Variants in NRXN1 observed in about 807,000 individuals in gnomAD.
The protein encoded by NRXN1 is neurexin 1.
Under a neutral mutation model 150.9 loss-of-function variants are expected in NRXN1, and 39 were observed. The ratio of observed to expected loss-of-function variants is 0.26; its 90% confidence interval spans 0.20 to 0.34. The LOEUF is 0.34. Ranked by LOEUF, NRXN1 falls within the 10% of genes least tolerant of loss-of-function variation. The probability of loss-of-function intolerance (pLI) is 1.00; values close to 1 mark genes in which losing one functional copy is unlikely to be tolerated. For missense variants in NRXN1, 1,815 were observed against 1,949.9 expected, an observed-to-expected ratio of 0.93 and a Z score of 1.30; for synonymous variants, 924 against 757.0, an observed-to-expected ratio of 1.22 and a Z score of -3.62.
chr2:50,624,587 G>T (rs1680663455), intron 5 of NRXN1, among the ~76,000 whole-genome samples: 3 of 152,024 alleles, frequency 2.0e-5, no homozygotes, highest in African/African-American at 7.2e-5. Flanking sequence ...TGGTCTGGGA[G>T]TAAACAGACC....
chr2:50,397,761 T>G (rs2082138925), intron 17 of NRXN1, among the ~76,000 whole-genome samples: 1 of 152,138 alleles, frequency 6.6e-6, no homozygotes, highest in African/African-American at 2.4e-5. Flanking sequence ...TATGAGAGAT[T>G]TCTTTTTTAT....
chr2:50,104,489 C>G (rs1188160552), intron 18 of NRXN1, among the ~76,000 whole-genome samples: 4 of 151,854 alleles, frequency 2.6e-5, no homozygotes, highest in Non-Finnish European at 5.9e-5. Flanking sequence ...TTGGTAATAC[C>G]AGTGTCAGAG....
intron 17 of NRXN1, among the ~76,000 whole-genome samples, chr2:50,299,413 T>TC (rs1266390395): frequency 7.3e-6 from 1 of 137,242 alleles, no homozygotes. Flanking sequence ...TTGTCCAATT[T>TC]TTTTTTTTTT....
chr2:50,295,629 T>G (rs1002230359), intron 17 of NRXN1, among the ~76,000 whole-genome samples: 1 of 152,252 alleles, frequency 6.6e-6, no homozygotes, highest in South Asian at 2.1e-4. Flanking sequence ...CTCTGAATTT[T>G]ATTTTATCCT....
intron 22 of NRXN1, among the ~76,000 whole-genome samples, chr2:49,936,166 T>G (rs1430807492): frequency 1.3e-5 from 2 of 152,164 alleles, no homozygotes; most frequent in Admixed American, 1.3e-4. Flanking sequence ...TTTACAGACT[T>G]CAAGTAAATG....
At chr2:50,167,463 T>C (rs1290076927) in intron 18 of NRXN1, among the ~76,000 whole-genome samples, 1 of 151,944 alleles carries the variant, frequency 6.6e-6, no homozygotes, top group African/African-American at 2.4e-5. Flanking sequence ...AGAAAACAGC[T>C]ACCATACTGG....
chr2:50,354,904 C>T (rs1022244383), intron 17 of NRXN1, among the ~76,000 whole-genome samples: 24 of 151,886 alleles, frequency 1.6e-4, no homozygotes, highest in African/African-American at 5.3e-4. Context: ...TCTACCACTG[C>T]AGAAAGAAGC....
chr2:50,976,073 T>C (rs926792360), intron 2 of NRXN1, among the ~76,000 whole-genome samples: 8 of 152,116 alleles, frequency 5.3e-5, no homozygotes, highest in African/African-American at 1.9e-4. Context: ...CTCCCAATAA[T>C]GCCTGTGTGC....
At position 50,953,468 on chromosome 2, in the gene NRXN1, A is replaced by G. The variant is rs113673534; in HGVS notation, c.773-27513T>C. Among the ~76,000 whole-genome samples the G allele has an allele frequency of 2.0e-3, 300 of 152,302 alleles. 4 individuals are homozygous for G. The highest frequency in any genetic ancestry group is 7.0e-3 in the African/African-American group (292 of 41,576). ...TCAGGACATATCAAACACATCATAC[A>G]TCATGTGAACTCCCTAAAAATTGAA... On this transcript the variant is annotated intron_variant, in intron 2 of 22. Coordinates refer to ENST00000401669, the MANE Select transcript of NRXN1 (RefSeq NM_001330078.2).
chr2:50,084,478 C>T (rs548521320), intron 19 of NRXN1, among the ~76,000 whole-genome samples: 5 of 152,308 alleles, frequency 3.3e-5, no homozygotes, highest in South Asian at 4.1e-4. Flanking sequence ...TGCCGGGGCC[C>T]ACAGGGCCGG....
rs533477455 is a variant in NRXN1 at position 50,336,142 on chromosome 2, T to A, written c.3365-99172A>T. Among the ~76,000 whole-genome samples the A allele has an allele frequency of 2.0e-5, 3 of 152,354 alleles. No individual in the cohort carries two copies. The East Asian group carries it at 5.8e-4, about 29-fold the overall frequency. On this transcript the variant is annotated intron_variant, in intron 17 of 22. Transcript: ENST00000401669. Reference sequence around the variant, plus strand: ...AGTAATCCTTTATGTCACAAGGGAATTCCAGAATTCCTGTAATGTTATTTT... The same window carrying A: ...AGTAATCCTTTATGTCACAAGGGAAATCCAGAATTCCTGTAATGTTATTTT...
chr2:50,001,369 T>C (rs1228706055), intron 21 of NRXN1, among the ~76,000 whole-genome samples: 2 of 152,148 alleles, frequency 1.3e-5, no homozygotes, highest in Non-Finnish European at 2.9e-5. Context: ...TTCCAGTTTA[T>C]CTGAAAATTA....
chr2:50,388,302 T>A (rs2081460169), intron 17 of NRXN1, among the ~76,000 whole-genome samples: 1 of 152,180 alleles, frequency 6.6e-6, no homozygotes, highest in Admixed American at 6.5e-5. Flanking sequence ...ACAATAAATA[T>A]AATGTACCTA....
intron 17 of NRXN1, among the ~76,000 whole-genome samples, chr2:50,345,786 T>C (rs571170003): frequency 9.6e-4 from 146 of 152,326 alleles, no homozygotes; most frequent in African/African-American, 3.4e-3. Flanking sequence ...TAGCTCTAAC[T>C]TCTTCTCCAG....
chr2:50,069,304 T>A (rs192787436), intron 19 of NRXN1, among the ~76,000 whole-genome samples: 2 of 152,234 alleles, frequency 1.3e-5, no homozygotes, highest in African/African-American at 4.8e-5. Flanking sequence ...CTTGATCCAT[T>A]TTCTGCAAAA....
At chr2:50,412,906 A>G (rs941186309) in intron 17 of NRXN1, among the ~76,000 whole-genome samples, 3 of 152,246 alleles carry the variant, frequency 2.0e-5, no homozygotes, top group African/African-American at 4.8e-5. Flanking sequence ...CTAGACCCCA[A>G]TCTTTCTCCA....
At position 50,347,299 on chromosome 2, in the gene NRXN1, C is replaced by T. The variant is rs1270970475; in HGVS notation, c.3365-110329G>A. On this transcript the variant is annotated intron_variant, in intron 17 of 22. Coordinates refer to ENST00000401669, the MANE Select transcript of NRXN1 (RefSeq NM_001330078.2). This position sits in a 1 kb window ranked among gnomAD's most constrained non-coding sequence, Gnocchi z 4.9. ...TCCCAAAGAGTTTCGGGCGAGAGTG[C>T]GTGCCGGCGGGTGGGGGGCCGAGAA... The T allele has an allele frequency of 2.4e-6, 3 of 1,275,922 alleles. No individual in the cohort carries two copies. The highest frequency in any genetic ancestry group is 2.4e-5 in the Admixed American group (1 of 41,024). The allele number at this position is 1,275,922 out of a possible 1,614,324, so 79.0% of individuals were successfully genotyped here.
intron 18 of NRXN1, among the ~76,000 whole-genome samples, chr2:50,167,284 T>C (rs563811527): frequency 1.8e-4 from 27 of 152,238 alleles, no homozygotes; most frequent in African/African-American, 6.0e-4. Flanking sequence ...TTTTAGTATA[T>C]CTCTAGGGAA....
At chr2:50,162,258 C>G (rs1344996680) in intron 18 of NRXN1, among the ~76,000 whole-genome samples, 1 of 152,082 alleles carries the variant, frequency 6.6e-6, no homozygotes, top group Non-Finnish European at 1.5e-5. Flanking sequence ...AACATCATTA[C>G]TGGCACTAGT....
Sources: allele counts gnomAD v4.1 joint callset (sites outside exome capture counted in the v4.1 genomes callset), GRCh38; gene constraint gnomAD v4.1.1; non-coding constraint Gnocchi (gnomAD v3.1); transcripts MANE v1.5; gene names NCBI Gene and HGNC (gene_info 2026-07-23, HGNC 2026-07-21).